The following ROBO2 variants were observed in gnomAD, a reference collection of about 807,000 sequenced individuals.
The protein encoded by ROBO2 is roundabout guidance receptor 2.
ROBO2 carries 53 observed loss-of-function variants against 160.8 expected under a neutral mutation model. The observed-to-expected ratio is 0.33, with a 90% CI of 0.26 to 0.41. The LOEUF (loss-of-function observed/expected upper bound fraction) is 0.41, where lower values mean the gene tolerates loss of function less well. Among genes scored for constraint, ROBO2 ranks in the 10% least tolerant of loss-of-function variants. The pLI is 1.00. For missense variants in ROBO2, 1,577 were observed against 1,722.4 expected, an observed-to-expected ratio of 0.92 and a Z score of 1.49; for synonymous variants, 664 against 611.7, an observed-to-expected ratio of 1.09 and a Z score of -1.26.
At chr3:77,356,181 T>G (rs1424591135) in intron 2 of ROBO2, among the ~76,000 whole-genome samples, 1 of 152,160 alleles carries the variant, frequency 6.6e-6, no homozygotes, top group Non-Finnish European at 1.5e-5. Context: ...AGATCTGTAT[T>G]AAAAGAATGA....
intron 2 of ROBO2, among the ~76,000 whole-genome samples, chr3:76,828,021 A>T (rs190647404): frequency 1.3e-5 from 2 of 152,296 alleles, no homozygotes; most frequent in East Asian, 3.9e-4. Flanking sequence ...AGAAGATAAG[A>T]ATCCATTTTT....
intron 2 of ROBO2, among the ~76,000 whole-genome samples, chr3:76,909,249 G>T (rs920458375): frequency 6.6e-5 from 10 of 152,102 alleles, no homozygotes; most frequent in African/African-American, 2.4e-4. Flanking sequence ...CATTGACCTT[G>T]TATAGTGATC....
chr3:77,301,652 AAAC>A (rs2062667285), intron 2 of ROBO2, among the ~76,000 whole-genome samples: 1 of 152,256 alleles, frequency 6.6e-6, no homozygotes, highest in African/African-American at 2.4e-5. Context: ...AGTTAGGCAT[AAAC>A]ACTCCACTGA....
At chr3:76,505,862 A>T (rs1478340603) in intron 2 of ROBO2, among the ~76,000 whole-genome samples, 2 of 152,214 alleles carry the variant, frequency 1.3e-5, no homozygotes, top group African/African-American at 4.8e-5. Context: ...CATCCATAAA[A>T]GAAAGAGTCA....
At chr3:77,436,731 A>C (rs1166373848) in intron 2 of ROBO2, among the ~76,000 whole-genome samples, 1 of 151,898 alleles carries the variant, frequency 6.6e-6, no homozygotes, top group Non-Finnish European at 1.5e-5. Flanking sequence ...GAAAGTCAGA[A>C]CTAGTTCCAA....
At chr3:77,055,388 C>T (rs6779154) in intron 1 of ROBO2, among the ~76,000 whole-genome samples, 92,025 of 151,920 alleles carry the variant, frequency 0.61, 30,373 homozygotes, top group Middle Eastern at 0.78. Context: ...TGTGAACTCA[C>T]TGGGGACTCC....
intron 2 of ROBO2, among the ~76,000 whole-genome samples, chr3:76,648,733 C>T (rs960319265): frequency 1.3e-5 from 2 of 152,068 alleles, no homozygotes; most frequent in South Asian, 2.1e-4. Flanking sequence ...ACTATTCTTA[C>T]AATTTCACTT....
chr3:77,102,449 G>A (rs781593203), intron 2 of ROBO2, among the ~76,000 whole-genome samples: 53 of 152,170 alleles, frequency 3.5e-4, no homozygotes, highest in Non-Finnish European at 6.6e-4. Flanking sequence ...AGGAGAGAAA[G>A]TCAGTTGAGA....
chr3:76,559,454 C>A (rs909227070), intron 2 of ROBO2, among the ~76,000 whole-genome samples: 1 of 152,078 alleles, frequency 6.6e-6, no homozygotes, highest in Non-Finnish European at 1.5e-5. Context: ...TTTGAAAATT[C>A]GTTTTAACCA....
intron 2 of ROBO2, among the ~76,000 whole-genome samples, chr3:76,885,417 G>T (rs1199186113): frequency 1.3e-5 from 2 of 151,998 alleles, no homozygotes; most frequent in African/African-American, 2.4e-5. Flanking sequence ...ATATAAAAAG[G>T]ATTTATCTGA....
chr3:76,963,778 A>G (rs867481705), intron 2 of ROBO2, among the ~76,000 whole-genome samples: 10 of 150,518 alleles, frequency 6.6e-5, no homozygotes. Flanking sequence ...TTATAAAGGT[A>G]TATGTAGATT....
At chr3:77,442,282 A>C (rs937756842) in intron 2 of ROBO2, among the ~76,000 whole-genome samples, 1 of 152,142 alleles carries the variant, frequency 6.6e-6, no homozygotes. Flanking sequence ...ACTGAACTCC[A>C]GCCTGGGCGA....
chr3:76,650,762 A>C (rs1013938324), intron 2 of ROBO2, among the ~76,000 whole-genome samples: 1 of 152,206 alleles, frequency 6.6e-6, no homozygotes, highest in African/African-American at 2.4e-5. Flanking sequence ...CTGAAATGCA[A>C]GCATTTTTCA....
At chr3:77,076,783 TACAG>T (rs2068053039) in intron 1 of ROBO2, among the ~76,000 whole-genome samples, 2 of 152,236 alleles carry the variant, frequency 1.3e-5, no homozygotes, top group Admixed American at 6.5e-5. Context: ...AGCTTGGCCT[TACAG>T]ACAATTTTGA....
At chr3:76,563,680 C>T (rs567436588) in intron 2 of ROBO2, among the ~76,000 whole-genome samples, 48 of 152,236 alleles carry the variant, frequency 3.2e-4, no homozygotes, top group African/African-American at 1.1e-3. Flanking sequence ...AATATGTTGA[C>T]TGTAGATTAA....
At chr3:77,463,377 G>T (rs983002363) in intron 2 of ROBO2, among the ~76,000 whole-genome samples, 1 of 151,998 alleles carries the variant, frequency 6.6e-6, no homozygotes, top group African/African-American at 2.4e-5. Context: ...AAGAACCATG[G>T]ATATTAGTAC....
chr3:76,143,976 G>T (rs1048938388), intron 2 of ROBO2, among the ~76,000 whole-genome samples: 1 of 151,554 alleles, frequency 6.6e-6, no homozygotes, highest in Non-Finnish European at 1.5e-5. Context: ...TTCTATTCAG[G>T]CCTTTAACTG....
chr3:77,437,946 G>A (rs953595611), intron 2 of ROBO2, among the ~76,000 whole-genome samples: 5 of 151,930 alleles, frequency 3.3e-5, no homozygotes, highest in African/African-American at 1.2e-4. Flanking sequence ...AAGTGTAGCA[G>A]TATGTTTATT....
chr3:76,842,410 A>G (rs1045986936), intron 2 of ROBO2, among the ~76,000 whole-genome samples: 1 of 152,228 alleles, frequency 6.6e-6, no homozygotes, highest in Admixed American at 6.5e-5. Context: ...TGACAAAGAC[A>G]CTGGGAACGG....
Sources: gnomAD v4.1 joint callset for allele counts (sites outside exome capture counted in the v4.1 genomes callset) on GRCh38, gnomAD v4.1.1 for gene constraint, MANE v1.5 for transcripts, NCBI Gene and HGNC (gene_info 2026-07-23, HGNC 2026-07-21) for gene names.